DENND1A: variants seen among roughly 807,000 people sequenced by gnomAD.
The protein encoded by DENND1A is DENN domain containing 1A.
In DENND1A, 51 loss-of-function variants were observed where a neutral mutation model predicts 113.7. That is an observed-to-expected ratio of 0.45 (90% confidence interval 0.36 to 0.57). DENND1A has a LOEUF of 0.57. DENND1A is among the 20% of genes least tolerant of loss of function. The pLI is 0.00. For synonymous variants in DENND1A, 565 were observed against 570.8 expected (o/e 0.99, Z 0.14); for missense variants, 1,258 against 1,395.9 (o/e 0.90, Z 1.57).
chr9:123,571,898 C>A (rs898134496), intron 12 of DENND1A, among the ~76,000 whole-genome samples: 1 of 152,098 alleles, frequency 6.6e-6, no homozygotes, highest in African/African-American at 2.4e-5. Context: ...GTGGTTGTAC[C>A]GTATTGTACT....
intron 10 of DENND1A, among the ~76,000 whole-genome samples, chr9:123,615,282 G>C (rs2060597876): frequency 6.6e-6 from 1 of 152,170 alleles, no homozygotes; most frequent in Admixed American, 6.5e-5. Flanking sequence ...AACTAAGATT[G>C]GAAAAGCTAA....
intron 5 of DENND1A, among the ~76,000 whole-genome samples, chr9:123,750,650 A>G (rs994389690): frequency 3.3e-5 from 5 of 152,250 alleles, no homozygotes; most frequent in Non-Finnish European, 7.3e-5. Flanking sequence ...AAGGAGAAGA[A>G]TTAAAAAGAA....
Position 123,652,051 on chromosome 9 carries a change from C to T in DENND1A, c.580G>A (p.Glu194Lys), listed in dbSNP as rs1462097274. The T allele has an allele frequency of 6.2e-7, 1 of 1,614,092 alleles. No homozygotes were observed. Among genetic ancestry groups the T allele is most frequent in the Non-Finnish European group, 8.5e-7 (1 of 1,180,004 alleles). ...CTGCAAATGATGAGTATCCGGCGTTCGTACAGCATACTGGCGTACAGATGC... is the reference window on the plus strand; with the variant it reads ...CTGCAAATGATGAGTATCCGGCGTTTGTACAGCATACTGGCGTACAGATGC... ...MLHLYASMLY[E>K]RRILIICSKL... Residue 194 changes from glutamate to lysine, a missense_variant, in exon 9 of 24, where the codon GAA (glutamate) becomes AAA (lysine). Coordinates refer to ENST00000394215, the MANE Select transcript of DENND1A (RefSeq NM_001352964.2).
intron 13 of DENND1A, among the ~76,000 whole-genome samples, chr9:123,484,690 CCT>C (rs1479649690): frequency 1.3e-5 from 2 of 152,306 alleles, no homozygotes; most frequent in South Asian, 2.1e-4. Flanking sequence ...TCAGTTCTCC[CCT>C]GAGCCTCTGC....
chr9:123,686,005 A>G (rs1239427104), intron 5 of DENND1A, among the ~76,000 whole-genome samples: 1 of 152,016 alleles, frequency 6.6e-6, no homozygotes, highest in East Asian at 1.9e-4. Context: ...TAGAAAAAAA[A>G]AAAACACAAC....
chr9:123,602,027 C>T (rs73580119), intron 11 of DENND1A, among the ~76,000 whole-genome samples: 13,165 of 152,200 alleles, frequency 0.086, 1,028 homozygotes, highest in African/African-American at 0.21. Flanking sequence ...TGGGAGGGTA[C>T]GCAGATCAGA....
At chr9:123,860,528 T>C (rs1844913358) in intron 2 of DENND1A, among the ~76,000 whole-genome samples, 1 of 152,176 alleles carries the variant, frequency 6.6e-6, no homozygotes, top group Non-Finnish European at 1.5e-5. Flanking sequence ...TACAAACTGT[T>C]TGCAAAGTTT....
At chr9:123,561,378 T>A (rs1284932551) in intron 12 of DENND1A, among the ~76,000 whole-genome samples, 1 of 152,186 alleles carries the variant, frequency 6.6e-6, no homozygotes, top group African/African-American at 2.4e-5. Flanking sequence ...GGGCTCCTGA[T>A]GCCCCTGTGA....
chr9:123,414,067 T>C (rs1052243295), intron 19 of DENND1A: 12 of 993,070 alleles, frequency 1.2e-5, no homozygotes, highest in African/African-American at 3.5e-5. Flanking sequence ...CCATTCCTGC[T>C]GGGTGGCAGT....
At chr9:123,573,059 CTT>C (rs771591461) in intron 12 of DENND1A, among the ~76,000 whole-genome samples, 1 of 152,082 alleles carries the variant, frequency 6.6e-6, no homozygotes, top group Non-Finnish European at 1.5e-5. Flanking sequence ...TCTTCTTTCC[CTT>C]TTGAATTACT....
Position 123,904,406 on chromosome 9 carries a change from G to A in DENND1A, c.18-25385C>T, listed in dbSNP as rs550454792. ...AAGCTGAGAGAAGAAGGCTTCAGAC[G>A]ATCAAATTACTCTGAGCTACGGGAG... is the stretch of plus-strand genomic sequence containing the variant. On this transcript the variant is annotated intron_variant, in intron 1 of 23. Transcript: ENST00000394215. 3.2e-4 allele frequency among the ~76,000 whole-genome samples: 48 copies of A among 151,446 alleles called. No homozygotes were observed. In the East Asian group the frequency reaches 8.3e-3, roughly 26 times the overall value.
chr9:123,636,514 G>A (rs1415710514), intron 9 of DENND1A, among the ~76,000 whole-genome samples: 2 of 151,678 alleles, frequency 1.3e-5, no homozygotes, highest in African/African-American at 4.8e-5. Context: ...ACAGGGTTTC[G>A]CCAAATTGGC....
At chr9:123,533,610 G>A (rs2055501593) in intron 13 of DENND1A, among the ~76,000 whole-genome samples, 1 of 152,186 alleles carries the variant, frequency 6.6e-6, no homozygotes, top group African/African-American at 2.4e-5. Flanking sequence ...GCGAACTGGA[G>A]GGAGAGAGTC....
At chr9:123,582,520 C>T (rs2058956305) in intron 12 of DENND1A, among the ~76,000 whole-genome samples, 1 of 150,080 alleles carries the variant, frequency 6.7e-6, no homozygotes, top group Non-Finnish European at 1.5e-5. Context: ...CTGCCTCAGC[C>T]TCCTGAGTAG....
intron 2 of DENND1A, among the ~76,000 whole-genome samples, chr9:123,866,218 T>C (rs1353240390): frequency 6.6e-6 from 1 of 152,216 alleles, no homozygotes; most frequent in Non-Finnish European, 1.5e-5. Context: ...AGAAATGGGT[T>C]GTTTTAATAC....
intron 5 of DENND1A, among the ~76,000 whole-genome samples, chr9:123,698,855 T>C (rs532132922): frequency 1.3e-5 from 2 of 152,308 alleles, no homozygotes; most frequent in Admixed American, 6.5e-5. Context: ...GGATCAAACA[T>C]ATAAAGGACT....
In DENND1A at chr9:123,447,417, T is replaced by C. The variant is rs528664329; in HGVS notation, c.1356+3276A>G. On this transcript the variant is annotated intron_variant, in intron 18 of 23. Transcript: ENST00000394215. ...CCTGAAAGCTCCGATTTCAAATGCT[T>C]TGAAAATCTGCAGCACAAATGAACA... Among the ~76,000 whole-genome samples the C allele has an allele frequency of 2.0e-5, 3 of 152,316 alleles. No homozygotes were observed. The South Asian group carries it at 6.2e-4, about 32-fold the overall frequency.
intron 13 of DENND1A, among the ~76,000 whole-genome samples, chr9:123,547,701 A>T (rs987857399): frequency 2.0e-5 from 3 of 152,218 alleles, no homozygotes; most frequent in African/African-American, 7.2e-5. Flanking sequence ...TCCTTTATGT[A>T]TCATTTGAGA....
chr9:123,738,441 TTCTGTGTGTG>T (rs1179815042), intron 5 of DENND1A, among the ~76,000 whole-genome samples: 3 of 123,374 alleles, frequency 2.4e-5, no homozygotes, highest in African/African-American at 1.1e-4. Context: ...TGTCAACAGC[TTCTGTGTGTG>T]TGTGTGTGTG....
Sources: allele counts gnomAD v4.1 joint callset (sites outside exome capture counted in the v4.1 genomes callset), GRCh38; gene constraint gnomAD v4.1.1; transcripts MANE v1.5; gene names NCBI Gene and HGNC (gene_info 2026-07-23, HGNC 2026-07-21).